TMEM132D: variants seen among roughly 807,000 people sequenced by gnomAD.
TMEM132D encodes the protein mature OL transmembrane protein.
In TMEM132D, 21 loss-of-function variants were observed where a neutral mutation model predicts 62.3. That is an observed-to-expected ratio of 0.34 (90% CI 0.24 to 0.49). The LOEUF (loss-of-function observed/expected upper bound fraction) is 0.49. Ranked by LOEUF, TMEM132D falls within the 20% of genes least tolerant of loss-of-function variation. The pLI is 0.99. For missense variants in TMEM132D, 1,346 were observed against 1,402.8 expected (o/e 0.96, Z 0.65); for synonymous variants, 621 against 575.6 (o/e 1.08, Z -1.13).
intron 4 of TMEM132D, among the ~76,000 whole-genome samples, chr12:129,267,124 G>C (rs1162121154): frequency 6.6e-6 from 1 of 152,110 alleles, no homozygotes; most frequent in Non-Finnish European, 1.5e-5. Context: ...AGCCACACTG[G>C]CCTTCTTTTA....
chr12:129,329,217 G>A (rs1021150857), intron 4 of TMEM132D, among the ~76,000 whole-genome samples: 1 of 151,944 alleles, frequency 6.6e-6, no homozygotes, highest in Non-Finnish European at 1.5e-5. Flanking sequence ...AGTATTTGGT[G>A]TAATTACTGT....
intron 3 of TMEM132D, among the ~76,000 whole-genome samples, chr12:129,468,504 G>A (rs1247599735): frequency 6.6e-6 from 1 of 152,172 alleles, no homozygotes. Context: ...CACACAAGTT[G>A]CCTACACCTC....
intron 3 of TMEM132D, among the ~76,000 whole-genome samples, chr12:129,501,057 C>T (rs746382615): frequency 6.6e-6 from 1 of 152,290 alleles, no homozygotes; most frequent in Admixed American, 6.5e-5. Context: ...GTCTACGATA[C>T]CATACATAAA....
chr12:129,596,512 A>G (rs1878341626), intron 2 of TMEM132D, among the ~76,000 whole-genome samples: 1 of 151,834 alleles, frequency 6.6e-6, no homozygotes, highest in South Asian at 2.1e-4. Flanking sequence ...ATCTGTGGAC[A>G]CCAAAATCTG....
At position 129,487,192 on chromosome 12, in the gene TMEM132D, G is replaced by A. The variant is rs531354010; in HGVS notation, c.1115+43867C>T. On this transcript the variant is annotated intron_variant, in intron 3 of 8. Coordinates refer to ENST00000422113, the MANE Select transcript of TMEM132D (RefSeq NM_133448.3). ...AAAGGATGTGTAGAACAGCCCCAGC[G>A]TGCATGGGAGAGACAAGGCGTGAAA... Among the ~76,000 whole-genome samples the A allele has an allele frequency of 7.8e-4, 118 of 152,250 alleles. 1 individual carries two copies. Among genetic ancestry groups the A allele is most frequent in the African/African-American group, 1.7e-3 (69 of 41,534 alleles).
At chr12:129,710,593 G>C (rs186042697) in intron 1 of TMEM132D, among the ~76,000 whole-genome samples, 10 of 152,008 alleles carry the variant, frequency 6.6e-5, no homozygotes, top group Non-Finnish European at 1.3e-4. Flanking sequence ...ACCGTGCCCC[G>C]CCGATTATTT....
chr12:129,490,019 T>G (rs1019215649), intron 3 of TMEM132D, among the ~76,000 whole-genome samples: 1 of 152,194 alleles, frequency 6.6e-6, no homozygotes, highest in African/African-American at 2.4e-5. Context: ...GGAATTAGGG[T>G]GAGGGCGCTC....
At chr12:129,628,297 A>G (rs1201733690) in intron 2 of TMEM132D, among the ~76,000 whole-genome samples, 3 of 152,204 alleles carry the variant, frequency 2.0e-5, no homozygotes, top group African/African-American at 4.8e-5. Context: ...TGCTACTTCT[A>G]TCAGCCATAG....
chr12:129,431,348 C>A (rs1872649191), intron 3 of TMEM132D, among the ~76,000 whole-genome samples: 1 of 152,212 alleles, frequency 6.6e-6, no homozygotes, highest in Non-Finnish European at 1.5e-5. Flanking sequence ...TTTCCAGAAG[C>A]CAAATTTCTT....
At chr12:129,849,610 A>T (rs1049942478) in intron 1 of TMEM132D, among the ~76,000 whole-genome samples, 1 of 152,216 alleles carries the variant, frequency 6.6e-6, no homozygotes, top group South Asian at 2.1e-4. Context: ...TTCATCATTT[A>T]CAAAAGCTAA....
chr12:129,268,759 G>GA (rs1365027503), intron 4 of TMEM132D, among the ~76,000 whole-genome samples: 1 of 152,010 alleles, frequency 6.6e-6, no homozygotes, highest in Non-Finnish European at 1.5e-5. Context: ...CAATGACTTG[G>GA]AAGCAACCCA....
chr12:129,605,686 G>A (rs1593085621), intron 2 of TMEM132D, among the ~76,000 whole-genome samples: 2 of 149,520 alleles, frequency 1.3e-5, no homozygotes, highest in East Asian at 3.9e-4. Flanking sequence ...TTTGTAGATA[G>A]AAAGTGTGCT....
At chr12:129,734,496 G>T (rs904098402) in intron 1 of TMEM132D, among the ~76,000 whole-genome samples, 7 of 152,104 alleles carry the variant, frequency 4.6e-5, no homozygotes, top group African/African-American at 1.7e-4. Context: ...AGTTCCATGT[G>T]TATTCCTTCT....
rs568173882 is a variant in TMEM132D, at chr12:129,184,206, C to T, written c.1443+25314G>A. Among the ~76,000 whole-genome samples, 62 of 152,266 alleles carry T rather than the reference C, an allele frequency of 4.1e-4. 1 individual carries two copies. The highest frequency in any genetic ancestry group is 4.6e-4 in the Admixed American group (7 of 15,306). On this transcript the variant is annotated intron_variant, in intron 5 of 8. Transcript: ENST00000422113. ...CTAGGCCAGGTCTCTGCAGGCCACC[C>T]GCAGCAGCCATGCAGGCGGAGGGGC...
intron 2 of TMEM132D, among the ~76,000 whole-genome samples, chr12:129,633,474 A>G (rs755497892): frequency 3.9e-5 from 6 of 152,176 alleles, no homozygotes; most frequent in Non-Finnish European, 8.8e-5. Context: ...TCCCCAGGAA[A>G]TTGAGCCTAC....
intron 4 of TMEM132D, among the ~76,000 whole-genome samples, chr12:129,215,991 C>G (rs911180656): frequency 2.0e-5 from 3 of 152,180 alleles, no homozygotes; most frequent in Admixed American, 6.5e-5. Flanking sequence ...CCAGGTCCCT[C>G]CCACAACATG....
chr12:129,258,101 G>A (rs1391807299), intron 4 of TMEM132D, among the ~76,000 whole-genome samples: 1 of 152,166 alleles, frequency 6.6e-6, no homozygotes, highest in Middle Eastern at 3.2e-3. Flanking sequence ...CTAGACACAT[G>A]TGCTGGAATT....
At chr12:129,633,025 G>C (rs532460878) in intron 2 of TMEM132D, among the ~76,000 whole-genome samples, 15 of 152,332 alleles carry the variant, frequency 9.8e-5, no homozygotes, top group Middle Eastern at 3.4e-3. Context: ...TAAGTAGGAT[G>C]CTTGGCTTAA....
At chr12:129,661,747 T>A (rs372473759) in intron 2 of TMEM132D, among the ~76,000 whole-genome samples, 1 of 152,176 alleles carries the variant, frequency 6.6e-6, no homozygotes, top group African/African-American at 2.4e-5. Context: ...AATTCAACAA[T>A]AGTAATTTCA....
Sources: gnomAD v4.1 joint callset for allele counts (sites outside exome capture counted in the v4.1 genomes callset) on GRCh38, gnomAD v4.1.1 for gene constraint, MANE v1.5 for transcripts, NCBI Gene and HGNC (gene_info 2026-07-23, HGNC 2026-07-21) for gene names.